FAM13A: variants seen among roughly 807,000 people sequenced by gnomAD.
FAM13A encodes protein FAM13A.
In FAM13A, 76 loss-of-function variants were observed where a neutral mutation model predicts 129.6. The ratio of observed to expected loss-of-function variants is 0.59; its 90% CI spans 0.49 to 0.71. The LOEUF (loss-of-function observed/expected upper bound fraction) is 0.71, where lower values mean the gene tolerates loss of function less well. Ranked by LOEUF, FAM13A falls within the 30% of genes least tolerant of loss-of-function variation. The pLI is 0.00. For missense variants in FAM13A, 1,108 were observed against 1,249.3 expected (o/e 0.89, Z 1.70); for synonymous variants, 443 against 449.9 (o/e 0.98, Z 0.20).
chr4:88,740,270 G>A (rs1225874586), intron 19 of FAM13A, among the ~76,000 whole-genome samples: 1 of 152,070 alleles, frequency 6.6e-6, no homozygotes, highest in Non-Finnish European at 1.5e-5. Flanking sequence ...ACCCTGCCCC[G>A]TGCATACCCT....
rs558725324 is a variant in FAM13A at position 89,009,703 on chromosome 4, G to A, written c.427+10757C>T. Reference sequence around the variant, plus strand: ...TAAACTTCAGCAATATATAAATAACGTTAAACATTCCACAACAAAGTAACA... The same window carrying A: ...TAAACTTCAGCAATATATAAATAACATTAAACATTCCACAACAAAGTAACA... On this transcript the variant is annotated intron_variant, in intron 3 of 23. Transcript: ENST00000264344. Among the ~76,000 whole-genome samples, 19 of 152,228 alleles carry A rather than the reference G, an allele frequency of 1.2e-4. No homozygotes were observed. In the South Asian group the frequency reaches 2.5e-3, roughly 20 times the overall value.
chr4:88,906,396 G>A lies in FAM13A; in HGVS notation c.826C>T (p.Pro276Ser), dbSNP rs771302465. 6.2e-7 allele frequency: 1 copy of A among 1,611,284 alleles called. No individual in the cohort carries two copies. Among genetic ancestry groups the A allele is most frequent in the South Asian group, 1.1e-5 (1 of 90,786 alleles). Residue 276 changes from proline (P) to serine (S), a missense_variant, in exon 6 of 24, where the codon CCA (proline) becomes TCA (serine). Pro to Ser is a moderately conservative substitution (Grantham distance 74). Coordinates refer to ENST00000264344, the MANE Select transcript of FAM13A (RefSeq NM_014883.4). ...TAGTTTACCTTGGTTTTTGGAGGTG[G>A]TTTTGGCATGTCTCTTTCTAAGCCT... ...TRGLERDMPK[P>S]PPKTKIPKSR... is the part of the protein sequence containing the mutation.
chr4:89,027,154 T>C (rs1768069692), intron 2 of FAM13A, among the ~76,000 whole-genome samples: 1 of 152,190 alleles, frequency 6.6e-6, no homozygotes, highest in African/African-American at 2.4e-5. Context: ...CATACATATC[T>C]ATGACAAAGT....
chr4:88,975,099 A>C (rs753289606), intron 4 of FAM13A, among the ~76,000 whole-genome samples: 1 of 152,170 alleles, frequency 6.6e-6, no homozygotes, highest in Non-Finnish European at 1.5e-5. Context: ...TAGAAAAATA[A>C]AATCATATAA....
chr4:88,925,951 AC>A (rs534068716), intron 5 of FAM13A, among the ~76,000 whole-genome samples: 2 of 151,976 alleles, frequency 1.3e-5, no homozygotes, highest in Non-Finnish European at 2.9e-5. Flanking sequence ...TCTCAGTTGG[AC>A]CCGCACCAAC....
At chr4:88,967,440 A>G (rs1759497108) in intron 4 of FAM13A, among the ~76,000 whole-genome samples, 1 of 152,236 alleles carries the variant, frequency 6.6e-6, no homozygotes, top group Non-Finnish European at 1.5e-5. Flanking sequence ...GATCATCTGC[A>G]GTCTAGATAA....
At chr4:88,894,447 T>C (rs1310436617) in intron 6 of FAM13A, among the ~76,000 whole-genome samples, 1 of 152,180 alleles carries the variant, frequency 6.6e-6, no homozygotes, top group Non-Finnish European at 1.5e-5. Flanking sequence ...GCAAAGACTA[T>C]AGCATATATT....
At chr4:88,941,296 T>C (rs766722246) in intron 4 of FAM13A, among the ~76,000 whole-genome samples, 1 of 152,232 alleles carries the variant, frequency 6.6e-6, no homozygotes, top group Non-Finnish European at 1.5e-5. Context: ...CCTGTTTTAA[T>C]CCTTAACCTG....
At chr4:89,038,365 C>T (rs1769663417) in intron 1 of FAM13A, among the ~76,000 whole-genome samples, 1 of 152,002 alleles carries the variant, frequency 6.6e-6, no homozygotes, top group Admixed American at 6.6e-5. Flanking sequence ...ATAAATCTAA[C>T]AAGGAATGTA....
chr4:88,750,011 T>A, intron 15 of FAM13A, 102 bp from the exon 16 acceptor site: 1 of 1,264,020 alleles, frequency 7.9e-7, no homozygotes, highest in Non-Finnish European at 1.1e-6. Flanking sequence ...GGTGGTGGGG[T>A]GGGGGCAGTG....
intron 4 of FAM13A, among the ~76,000 whole-genome samples, chr4:88,949,885 A>G (rs991100044): frequency 1.3e-5 from 2 of 152,232 alleles, no homozygotes; most frequent in African/African-American, 4.8e-5. Context: ...TCTCAAAAGC[A>G]CTACAGAACA....
chr4:89,055,237 G>T (rs1259961132), intron 1 of FAM13A, among the ~76,000 whole-genome samples: 2 of 151,764 alleles, frequency 1.3e-5, no homozygotes, highest in African/African-American at 4.8e-5. Flanking sequence ...AATTTTTTTT[G>T]TTGTTCTCCA....
intron 8 of FAM13A, among the ~76,000 whole-genome samples, chr4:88,797,562 G>GC (rs1302032517): frequency 1.7e-4 from 26 of 152,238 alleles, no homozygotes; most frequent in Admixed American, 5.2e-4. Flanking sequence ...ACTGTGTCCA[G>GC]CCTGTCACGT....
chr4:89,034,058 A>G (rs1166899696), intron 1 of FAM13A, among the ~76,000 whole-genome samples: 2 of 152,226 alleles, frequency 1.3e-5, no homozygotes, highest in South Asian at 2.1e-4. Flanking sequence ...AGCAAATGCA[A>G]CAAAGCCAAA....
intron 6 of FAM13A, among the ~76,000 whole-genome samples, chr4:88,880,722 G>T (rs1188348957): frequency 7.0e-6 from 1 of 143,294 alleles, no homozygotes; most frequent in African/African-American, 2.6e-5. Flanking sequence ...CAAATTCTCA[G>T]CCCTGTTTAG....
intron 6 of FAM13A, among the ~76,000 whole-genome samples, chr4:88,892,976 T>C (rs1415329614): frequency 6.6e-6 from 1 of 152,128 alleles, no homozygotes; most frequent in Non-Finnish European, 1.5e-5. Flanking sequence ...GTACTTTGAA[T>C]ACATACAACT....
intron 3 of FAM13A, among the ~76,000 whole-genome samples, chr4:88,992,810 G>A (rs1763073667): frequency 6.6e-6 from 1 of 152,094 alleles, no homozygotes; most frequent in African/African-American, 2.4e-5. Context: ...GCAGTTTAGA[G>A]GAATGACTAC....
chr4:89,016,714 AGCCTTGACTTTC>A (rs1318458226), intron 3 of FAM13A, among the ~76,000 whole-genome samples: 1 of 152,168 alleles, frequency 6.6e-6, no homozygotes, highest in Non-Finnish European at 1.5e-5. Flanking sequence ...GGCTCACTGC[AGCCTTGACTTTC>A]TAGGCTCAAG....
intron 6 of FAM13A, among the ~76,000 whole-genome samples, chr4:88,901,020 A>G (rs1234209371): frequency 6.6e-6 from 1 of 152,172 alleles, no homozygotes; most frequent in East Asian, 1.9e-4. Context: ...CAGGCCTTAA[A>G]CCAACAACAA....
Sources: gnomAD v4.1 joint callset for allele counts (sites outside exome capture counted in the v4.1 genomes callset) on GRCh38, gnomAD v4.1.1 for gene constraint, MANE v1.5 for transcripts, NCBI Gene and HGNC (gene_info 2026-07-23, HGNC 2026-07-21) for gene names.